TRIM58: variants seen among roughly 807,000 people sequenced by gnomAD.
TRIM58 encodes the protein tripartite motif containing 58.
A neutral mutation model predicts 34.1 loss-of-function variants in TRIM58; 38 were observed. The ratio of observed to expected loss-of-function variants is 1.12; its 90% CI spans 0.86 to 1.46. The LOEUF (loss-of-function observed/expected upper bound fraction) is 1.46. Ranked by LOEUF, TRIM58 falls within the 40% of genes most tolerant of loss-of-function variation. TRIM58 has a pLI of 0.00. For synonymous variants in TRIM58, 273 were observed against 275.7 expected, an observed-to-expected ratio of 0.99 and a Z score of 0.10; for missense variants, 677 against 642.0, an observed-to-expected ratio of 1.05 and a Z score of -0.59.
At chr1:247,858,634 T>A (rs1481751811) in intron 1 of TRIM58, among the ~76,000 whole-genome samples, 1 of 152,294 alleles carries the variant, frequency 6.6e-6, no homozygotes, top group African/African-American at 2.4e-5. Context: ...TGGTATTTCT[T>A]CTTGATTTTC....
intron 1 of TRIM58, among the ~76,000 whole-genome samples, chr1:247,859,076 T>G (rs537342464): frequency 6.6e-6 from 1 of 152,106 alleles, no homozygotes; most frequent in Admixed American, 6.6e-5. Flanking sequence ...TTTCTAAAGG[T>G]GTTCTCCATA....
chr1:247,859,990 T>C (rs1018123309), intron 1 of TRIM58, among the ~76,000 whole-genome samples: 8 of 152,178 alleles, frequency 5.3e-5, no homozygotes, highest in Non-Finnish European at 2.9e-5. Context: ...TTTTTATTCA[T>C]TGGACATTAT....
At chr1:247,865,035 T>C (rs981473349) in intron 3 of TRIM58, 100 bp downstream of exon 3, 1 of 1,154,148 alleles carries the variant, frequency 8.7e-7, no homozygotes, top group Non-Finnish European at 1.2e-6. Flanking sequence ...TTATGTTCTT[T>C]AGGAAAAGGG....
intron 3 of TRIM58, among the ~76,000 whole-genome samples, chr1:247,866,738 G>A (rs1049872768): frequency 2.0e-5 from 3 of 152,118 alleles, no homozygotes; most frequent in African/African-American, 7.2e-5. Context: ...GAGTAGCTGG[G>A]ACTAAAGGTG....
rs1264632293 is a variant in TRIM58 at position 247,879,335 on chromosome 1, G to A, written c.*2846G>A. Among the ~76,000 whole-genome samples the A allele has an allele frequency of 1.3e-5, 2 of 152,164 alleles. No homozygotes were observed. The highest frequency in any genetic ancestry group is 2.9e-5 in the Non-Finnish European group (2 of 68,030). ...GGGGTTCAGTTGTCCTGGCCACCCT[G>A]CTGCTGTAACCATGGTCAGAACTCC... On this transcript the variant is annotated 3_prime_UTR_variant, in exon 6 of 6. Coordinates refer to ENST00000366481, the MANE Select transcript of TRIM58 (RefSeq NM_015431.4).
intron 3 of TRIM58, among the ~76,000 whole-genome samples, chr1:247,867,539 C>G (rs2103328471): frequency 6.6e-6 from 1 of 151,798 alleles, no homozygotes; most frequent in South Asian, 2.1e-4. Flanking sequence ...ACTGAAAATA[C>G]AAAAAAATAA....
In TRIM58 at chr1:247,879,387, C is replaced by T. The variant is rs566651856; in HGVS notation, c.*2898C>T. Among the ~76,000 whole-genome samples, 9 of 152,170 alleles carry T rather than the reference C, an allele frequency of 5.9e-5. No individual in the cohort carries two copies. Among genetic ancestry groups the T allele is most frequent in the Non-Finnish European group, 1.0e-4 (7 of 68,030 alleles). ...TCCTGCCCCTCTGGATTATGACTTT[C>T]GTTTCCTCACAGTGGTCCTGCTTGG... On this transcript the variant is annotated 3_prime_UTR_variant, in exon 6 of 6. Transcript: ENST00000366481.
chr1:247,867,758 T>G (rs1663964003), intron 3 of TRIM58, 87 bp from the exon 4 acceptor site: 1 of 1,480,938 alleles, frequency 6.8e-7, no homozygotes, highest in Non-Finnish European at 9.4e-7. Context: ...TGCAGTAGTT[T>G]CTAAGGAAAT....
chr1:247,872,629 A>T (rs1392336514), intron 5 of TRIM58, among the ~76,000 whole-genome samples: 1 of 152,208 alleles, frequency 6.6e-6, no homozygotes, highest in Non-Finnish European at 1.5e-5. Context: ...AGGGAGTTTC[A>T]GGGTAAAGTT....
chr1:247,875,914 G>T lies in TRIM58; in HGVS notation c.886G>T (p.Asp296Tyr). The T allele has an allele frequency of 6.2e-7, 1 of 1,611,486 alleles. No homozygotes were observed. The highest frequency in any genetic ancestry group is 8.5e-7 in the Non-Finnish European group (1 of 1,178,358). Residue 296 changes from aspartate to tyrosine, a missense_variant, in exon 6 of 6, where the codon GAT (aspartate) becomes TAT (tyrosine). Transcript: ENST00000366481. Reference protein sequence around the residue: ...LRKFQVDVKLDPATAHPSLLL... With the variant: ...LRKFQVDVKLYPATAHPSLLL... ...TCTTTCCGCAGTGGATGTAAAGCTG[G>T]ATCCCGCCACGGCGCACCCGAGTCT...
chr1:247,866,746 G>A (rs1663936244), intron 3 of TRIM58, among the ~76,000 whole-genome samples: 1 of 152,142 alleles, frequency 6.6e-6, no homozygotes, highest in Non-Finnish European at 1.5e-5. Flanking sequence ...GGGACTAAAG[G>A]TGTGCACCAC....
chr1:247,874,878 G>A (rs896469825), intron 5 of TRIM58, among the ~76,000 whole-genome samples: 5 of 152,092 alleles, frequency 3.3e-5, no homozygotes, highest in African/African-American at 1.2e-4. Context: ...CCTTATTCAG[G>A]TTGTTGGCAT....
intron 2 of TRIM58, 97 bp downstream of exon 2, chr1:247,860,809 G>T (rs1663775072): frequency 1.1e-6 from 1 of 951,462 alleles, no homozygotes; most frequent in Non-Finnish European, 1.6e-6. Context: ...CAGCACTTTT[G>T]TTCCATCTCC....
At chr1:247,866,990 G>A (rs1283485885) in intron 3 of TRIM58, among the ~76,000 whole-genome samples, 1 of 151,912 alleles carries the variant, frequency 6.6e-6, no homozygotes, top group Non-Finnish European at 1.5e-5. Context: ...AAGGGGAGAG[G>A]GGAAATGTAT....
rs771549147 is a variant in TRIM58, at chr1:247,860,730, C to A, written c.516+18C>A. 2.5e-6 allele frequency: 4 copies of A among 1,571,492 alleles called. No individual in the cohort carries two copies. The highest frequency in any genetic ancestry group is 3.5e-6 in the Non-Finnish European group (4 of 1,141,760). ...TTTGGAAGGTAAGACCATGTTGGGG[C>A]TTTAGGAGGCTTGCCTGTTTGAAGG... On this transcript the variant is annotated intron_variant, in intron 2 of 5. Coordinates refer to ENST00000366481, the MANE Select transcript of TRIM58 (RefSeq NM_015431.4).
At chr1:247,859,742 AAGTTATATAGAGAAATACAGAATAC>A (rs1663737179) in intron 1 of TRIM58, among the ~76,000 whole-genome samples, 1 of 152,034 alleles carries the variant, frequency 6.6e-6, no homozygotes, top group East Asian at 1.9e-4. Context: ...CAAGAAGTTG[AAGTTATATAGAGAAATACAGAATAC>A]AGTTATATAG....
chr1:247,862,210 T>C (rs966605043), intron 2 of TRIM58, among the ~76,000 whole-genome samples: 5 of 152,186 alleles, frequency 3.3e-5, no homozygotes, highest in Non-Finnish European at 7.3e-5. Flanking sequence ...ATAAAAGTTA[T>C]CAATATTAAA....
chr1:247,875,798 A>T, intron 5 of TRIM58, 102 bp from the exon 6 acceptor site: 1 of 957,944 alleles, frequency 1.0e-6, no homozygotes, highest in Non-Finnish European at 1.5e-6. Flanking sequence ...GTTAATAGAG[A>T]GAGAAAAGTG....
At chr1:247,867,652 A>C (rs901606932) in intron 3 of TRIM58, among the ~76,000 whole-genome samples, 193 bp from the exon 4 acceptor site, 2 of 152,206 alleles carry the variant, frequency 1.3e-5, no homozygotes, top group African/African-American at 4.8e-5. Flanking sequence ...GCGCCATTGC[A>C]CTCCAGCAGC....
Sources: allele counts gnomAD v4.1 joint callset (sites outside exome capture counted in the v4.1 genomes callset), GRCh38; gene constraint gnomAD v4.1.1; transcripts MANE v1.5; gene names NCBI Gene and HGNC (gene_info 2026-07-23, HGNC 2026-07-21).